The following SLC25A13 variants were observed in gnomAD, a reference collection of about 807,000 sequenced individuals.
SLC25A13 encodes the protein solute carrier family 25 member 13.
SLC25A13 carries 70 observed loss-of-function variants against 85.5 expected under a neutral mutation model. That is an observed-to-expected ratio of 0.82 (90% CI 0.68 to 1.00). The LOEUF is 1.00. Among genes scored for constraint, SLC25A13 ranks in the 50% least tolerant of loss-of-function variants. The probability of loss-of-function intolerance (pLI) is 0.00; values close to 1 mark genes in which losing one functional copy is unlikely to be tolerated. For missense variants in SLC25A13, 765 were observed against 819.8 expected (o/e 0.93, Z 0.82); for synonymous variants, 259 against 288.7 (o/e 0.90, Z 1.04).
At chr7:96,256,547 A>C (rs1228570787) in intron 3 of SLC25A13, among the ~76,000 whole-genome samples, 1 of 152,190 alleles carries the variant, frequency 6.6e-6, no homozygotes, top group Non-Finnish European at 1.5e-5. Context: ...GAGCCCATAC[A>C]GGAGTACCCA....
intron 13 of SLC25A13, among the ~76,000 whole-genome samples, chr7:96,153,308 A>G (rs565130371): frequency 1.3e-5 from 2 of 152,368 alleles, no homozygotes; most frequent in South Asian, 4.1e-4. Context: ...CAGCAACAAA[A>G]GACCCCTTCA....
chr7:96,170,755 A>G (rs1793960139), intron 12 of SLC25A13, among the ~76,000 whole-genome samples: 1 of 152,216 alleles, frequency 6.6e-6, no homozygotes, highest in Non-Finnish European at 1.5e-5. Context: ...CAAAATGGTA[A>G]AAGAAGAATT....
intron 4 of SLC25A13, chr7:96,219,793 T>C (rs750216055): frequency 1.9e-6 from 1 of 529,782 alleles, no homozygotes; most frequent in Non-Finnish European, 3.9e-6. Context: ...ATCTATCAAT[T>C]CTCAAGATTC....
At chr7:96,260,363 A>C (rs1238361270) in intron 3 of SLC25A13, among the ~76,000 whole-genome samples, 5 of 152,130 alleles carry the variant, frequency 3.3e-5, no homozygotes, top group African/African-American at 4.8e-5. Flanking sequence ...AAGGGTTCCT[A>C]CTGGCCAAAG....
chr7:96,217,510 A>T (rs1407380476), intron 4 of SLC25A13, among the ~76,000 whole-genome samples: 3 of 152,172 alleles, frequency 2.0e-5, no homozygotes, highest in Non-Finnish European at 4.4e-5. Context: ...TTAATAAACA[A>T]AATGTGACCT....
intron 12 of SLC25A13, 101 bp downstream of exon 12, chr7:96,171,371 C>T (rs1263658479): frequency 7.6e-6 from 8 of 1,057,832 alleles, no homozygotes; most frequent in Non-Finnish European, 1.2e-5. Context: ...TTAGCTAGCA[C>T]CTCTGAGAAA....
chr7:96,234,364 C>T (rs1466202312), intron 4 of SLC25A13, among the ~76,000 whole-genome samples: 1 of 152,182 alleles, frequency 6.6e-6, no homozygotes, highest in Non-Finnish European at 1.5e-5. Context: ...CCATCTTGTG[C>T]AGCAGCTCTG....
chr7:96,166,324 C>T (rs767099948), intron 13 of SLC25A13, among the ~76,000 whole-genome samples: 21 of 152,210 alleles, frequency 1.4e-4, no homozygotes, highest in Admixed American at 3.3e-4. Context: ...CCAAAAATTA[C>T]TACACAATAC....
At chr7:96,128,554 T>C (rs1189552592) in intron 15 of SLC25A13, among the ~76,000 whole-genome samples, 2 of 152,098 alleles carry the variant, frequency 1.3e-5, no homozygotes, top group African/African-American at 2.4e-5. Flanking sequence ...ACTCGGTATT[T>C]TCCCATTTTA....
intron 13 of SLC25A13, among the ~76,000 whole-genome samples, chr7:96,159,335 C>T (rs530145228): frequency 1.3e-5 from 2 of 152,200 alleles, no homozygotes; most frequent in East Asian, 1.9e-4. Flanking sequence ...AGAATGTGAC[C>T]GGATTTGGAC....
At chr7:96,238,200 A>C (rs1303529485) in intron 3 of SLC25A13, among the ~76,000 whole-genome samples, 1 of 152,140 alleles carries the variant, frequency 6.6e-6, no homozygotes, top group East Asian at 1.9e-4. Context: ...CACAAGGAGA[A>C]AACCAAGTAA....
chr7:96,137,395 G>T (rs935565600), intron 14 of SLC25A13, among the ~76,000 whole-genome samples: 1 of 152,132 alleles, frequency 6.6e-6, no homozygotes, highest in African/African-American at 2.4e-5. Flanking sequence ...TAATTTCATT[G>T]CAATTCTAAC....
chr7:96,314,959 G>A (rs1254113798), intron 1 of SLC25A13, among the ~76,000 whole-genome samples: 1 of 152,182 alleles, frequency 6.6e-6, no homozygotes, highest in East Asian at 1.9e-4. Flanking sequence ...GCCCAGGAGA[G>A]GGCTCTGAGA....
intron 4 of SLC25A13, among the ~76,000 whole-genome samples, chr7:96,229,473 G>C (rs552330929): frequency 2.0e-5 from 3 of 152,212 alleles, no homozygotes; most frequent in Admixed American, 6.5e-5. Context: ...CAGGCTGCCC[G>C]AACCAGCAGT....
intron 13 of SLC25A13, chr7:96,167,007 G>C (rs1793780624): frequency 6.6e-6 from 1 of 152,186 alleles, no homozygotes; most frequent in Admixed American, 6.5e-5. Flanking sequence ...ACCCAAGTTA[G>C]GGAGAAAACA....
chr7:96,307,002 T>C lies in SLC25A13; in HGVS notation c.16-10051A>G, dbSNP rs963780950. The C allele has an allele frequency of 2.6e-5, 21 of 811,576 alleles. 1 individual carries two copies. The highest frequency in any genetic ancestry group is 2.3e-4 in the Middle Eastern group (1 of 4,296). 50.3% of individuals were successfully genotyped at this position (811,576 alleles called of 1,614,324 possible). On this transcript the variant is annotated intron_variant, in intron 1 of 17. Transcript: ENST00000265631. ...CGATGGCTTCCCTTTGCCATGAGTCTGCGGTGGGTCCCTTTTGTACTTCCT... is the reference window on the plus strand; with the variant it reads ...CGATGGCTTCCCTTTGCCATGAGTCCGCGGTGGGTCCCTTTTGTACTTCCT...
chr7:96,209,671 G>T (rs1351478970), intron 4 of SLC25A13, among the ~76,000 whole-genome samples: 4 of 152,052 alleles, frequency 2.6e-5, no homozygotes, highest in African/African-American at 9.7e-5. Flanking sequence ...GAATGTGCTG[G>T]TCCTGGCTTA....
intron 5 of SLC25A13, among the ~76,000 whole-genome samples, chr7:96,197,818 G>A (rs894190469): frequency 2.6e-5 from 4 of 152,284 alleles, no homozygotes; most frequent in African/African-American, 9.6e-5. Context: ...AATATGGGCA[G>A]TAATCATTAC....
chr7:96,200,264 G>C lies in SLC25A13; in HGVS notation c.469-7081C>G, dbSNP rs188057906. On this transcript the variant is annotated intron_variant, in intron 5 of 17. Coordinates refer to ENST00000265631, the MANE Select transcript of SLC25A13 (RefSeq NM_014251.3). ...GGCAAAATGCAGCTAATTGTTTATC[G>C]AAACAGGAAACAAAAATGTAGAAAG... 4.5e-3 allele frequency among the ~76,000 whole-genome samples: 682 copies of C among 152,088 alleles called. 6 individuals are homozygous for C. The highest frequency in any genetic ancestry group is 0.016 in the African/African-American group (662 of 41,476).
Sources: gnomAD v4.1 joint callset for allele counts (sites outside exome capture counted in the v4.1 genomes callset) on GRCh38, gnomAD v4.1.1 for gene constraint, MANE v1.5 for transcripts, NCBI Gene and HGNC (gene_info 2026-07-23, HGNC 2026-07-21) for gene names.